The following ARHGAP32 variants were observed in gnomAD, a reference collection of about 807,000 sequenced individuals.
The protein encoded by ARHGAP32 is Rho GTPase activating protein 32.
Under a neutral mutation model 186.5 loss-of-function variants are expected in ARHGAP32, and 51 were observed. The ratio of observed to expected loss-of-function variants is 0.27; its 90% CI spans 0.22 to 0.35. The LOEUF (loss-of-function observed/expected upper bound fraction) is 0.35. Ranked by LOEUF, ARHGAP32 falls within the 10% of genes least tolerant of loss-of-function variation. The probability of loss-of-function intolerance (pLI) is 1.00; values close to 1 mark genes in which losing one functional copy is unlikely to be tolerated. For synonymous variants in ARHGAP32, 950 were observed against 964.3 expected (o/e 0.99, Z 0.27); for missense variants, 2,186 against 2,623.5 (o/e 0.83, Z 3.64).
At chr11:129,031,121 C>T (rs192975882) in intron 11 of ARHGAP32, among the ~76,000 whole-genome samples, 114 of 152,200 alleles carry the variant, frequency 7.5e-4, no homozygotes, top group Admixed American at 2.0e-3. Context: ...TTTACAGCAA[C>T]GCTAGAATAG....
intron 11 of ARHGAP32, chr11:129,024,283 G>T: frequency 2.5e-6 from 1 of 397,488 alleles, no homozygotes; most frequent in Non-Finnish European, 3.4e-6. Context: ...ACACAGGTGA[G>T]CACTTCCTGC....
chr11:129,111,270 T>C (rs1335798683), intron 5 of ARHGAP32, among the ~76,000 whole-genome samples: 1 of 152,222 alleles, frequency 6.6e-6, no homozygotes, highest in African/African-American at 2.4e-5. Flanking sequence ...CTGGAATAAA[T>C]TCCACATGAT....
chr11:129,245,637 C>T (rs979894182), intron 1 of ARHGAP32, among the ~76,000 whole-genome samples: 3 of 146,462 alleles, frequency 2.0e-5, no homozygotes, highest in African/African-American at 7.5e-5. Flanking sequence ...AAGATCACAA[C>T]AGAATTATCA....
intron 1 of ARHGAP32, among the ~76,000 whole-genome samples, chr11:129,231,049 G>A (rs938436931): frequency 3.3e-5 from 5 of 152,198 alleles, no homozygotes; most frequent in East Asian, 1.9e-4. Flanking sequence ...CAGGAGAATC[G>A]CTTGAACCTG....
chr11:129,013,151 G>C (rs1938168035), intron 11 of ARHGAP32, among the ~76,000 whole-genome samples: 2 of 152,202 alleles, frequency 1.3e-5, no homozygotes, highest in Admixed American at 6.5e-5. Context: ...AATTAAGTAA[G>C]AGTTGCAACA....
At chr11:129,202,306 T>G (rs1008248675) in intron 1 of ARHGAP32, among the ~76,000 whole-genome samples, 1 of 152,166 alleles carries the variant, frequency 6.6e-6, no homozygotes, top group African/African-American at 2.4e-5. Flanking sequence ...CACTCTACAG[T>G]TTCTTCTCTT....
chr11:129,241,023 T>C (rs1019767762), intron 1 of ARHGAP32, among the ~76,000 whole-genome samples: 2 of 152,226 alleles, frequency 1.3e-5, no homozygotes, highest in African/African-American at 4.8e-5. Context: ...CTTGCTCCAC[T>C]ATTTACCATC....
At chr11:129,200,534 T>C (rs778271440) in intron 1 of ARHGAP32, among the ~76,000 whole-genome samples, 3 of 152,146 alleles carry the variant, frequency 2.0e-5, no homozygotes, top group Admixed American at 6.5e-5. Flanking sequence ...ATGCCTTTCA[T>C]CTTCCACCAA....
At chr11:129,065,039 T>C (rs1486706257) in intron 7 of ARHGAP32, 106 bp from the exon 8 acceptor site, 2 of 886,462 alleles carry the variant, frequency 2.3e-6, no homozygotes, top group Non-Finnish European at 3.5e-6. Context: ...CTTTAGGCAT[T>C]TTAATAGTTA....
At chr11:129,110,863 A>G (rs961075637) in intron 5 of ARHGAP32, among the ~76,000 whole-genome samples, 3 of 152,170 alleles carry the variant, frequency 2.0e-5, no homozygotes, top group African/African-American at 7.2e-5. Flanking sequence ...ATGTAAGATC[A>G]TATTTGCAAA....
At chr11:129,101,082 T>A (rs562897748) in intron 5 of ARHGAP32, among the ~76,000 whole-genome samples, 1 of 152,152 alleles carries the variant, frequency 6.6e-6, no homozygotes, top group African/African-American at 2.4e-5. Context: ...AAAGTCTGGA[T>A]GTAATACAGT....
In ARHGAP32 at chr11:128,974,837, A is replaced by G. The variant is rs1945497620; in HGVS notation, c.2360T>C (p.Met787Thr). Residue 787 changes from methionine to threonine, a missense_variant, in exon 21 of 23, where the codon ATG becomes ACG. Transcript: ENST00000682385. ...AACATCCTCAGCTGAATGAGGAGAC[A>G]TAAGGGCTGGGATATGAAGCAGCCC... is the stretch of plus-strand genomic sequence containing the variant. ...EGGLLHIPAL[M>T]SPHSAEDVDL... The G allele has an allele frequency of 3.7e-6, 6 of 1,614,190 alleles. No individual in the cohort carries two copies. The highest frequency in any genetic ancestry group is 5.1e-6 in the Non-Finnish European group (6 of 1,180,020).
At chr11:129,085,364 G>C (rs1051860095) in intron 6 of ARHGAP32, among the ~76,000 whole-genome samples, 3 of 151,876 alleles carry the variant, frequency 2.0e-5, no homozygotes, top group Non-Finnish European at 4.4e-5. Context: ...GTTTATAGTA[G>C]CACCCAAAAA....
At chr11:128,993,616 C>A (rs1946121938) in intron 12 of ARHGAP32, among the ~76,000 whole-genome samples, 1 of 151,146 alleles carries the variant, frequency 6.6e-6, no homozygotes, top group African/African-American at 2.4e-5. Context: ...AAAATAGTCT[C>A]TATATATATT....
chr11:129,160,246 G>A (rs1045671943), intron 2 of ARHGAP32, among the ~76,000 whole-genome samples: 3 of 152,112 alleles, frequency 2.0e-5, no homozygotes, highest in African/African-American at 4.8e-5. Flanking sequence ...TAGATGTTCT[G>A]GCCAGGGAAA....
chr11:129,206,349 C>A (rs1944513973), intron 1 of ARHGAP32, among the ~76,000 whole-genome samples: 1 of 152,056 alleles, frequency 6.6e-6, no homozygotes, highest in Non-Finnish European at 1.5e-5. Context: ...GTAGCTAGGA[C>A]TACAGGAATG....
At chr11:128,976,363 A>G (rs1945542124) in intron 20 of ARHGAP32, among the ~76,000 whole-genome samples, 200 bp downstream of exon 20, 1 of 152,178 alleles carries the variant, frequency 6.6e-6, no homozygotes, top group Admixed American at 6.5e-5. Flanking sequence ...AGTCATGCCA[A>G]AAATGAAAAG....
chr11:128,978,810 A>T lies in ARHGAP32; in HGVS notation c.2082T>A (p.Asn694Lys), dbSNP rs151148063. Residue 694 changes from asparagine (N) to lysine (K), a missense_variant, in exon 19 of 23, where the codon AAT becomes AAA. By Grantham distance (94) the Asn-to-Lys change is moderately conservative (BLOSUM62 0). This residue lies in a region of ARHGAP32 where 263 missense variants were observed against 323.5 expected (regional missense o/e 0.81). Coordinates refer to ENST00000682385, the MANE Select transcript of ARHGAP32 (RefSeq NM_001378024.1). ...SSVSKRKLQRNESEPSEMKAM... is the reference protein window; with the variant it reads ...SSVSKRKLQRKESEPSEMKAM... The stretch of plus-strand genomic sequence containing the variant: ...CTTTCATCTCTGAAGGCTCACTCTC[A>T]TTCCGCTGCAGCTTTCGTTTAGAAA... The T allele has an allele frequency of 6.2e-7, 1 of 1,613,174 alleles. No individual in the cohort carries two copies. The highest frequency in any genetic ancestry group is 1.1e-5 in the South Asian group (1 of 90,972).
intron 6 of ARHGAP32, among the ~76,000 whole-genome samples, chr11:129,079,786 C>T (rs750957188): frequency 6.6e-6 from 1 of 152,166 alleles, no homozygotes; most frequent in Non-Finnish European, 1.5e-5. Flanking sequence ...GGCCTAAATG[C>T]TCCACCTAAA....
Sources: gnomAD v4.1 joint callset for allele counts (sites outside exome capture counted in the v4.1 genomes callset) on GRCh38, gnomAD v4.1.1 for gene constraint, gnomAD v4.1.1 regional missense constraint, MANE v1.5 for transcripts, NCBI Gene and HGNC (gene_info 2026-07-23, HGNC 2026-07-21) for gene names.